The following GNPTAB variants were observed in gnomAD, a reference collection of about 807,000 sequenced individuals.
The protein encoded by GNPTAB is N-acetylglucosamine-1-phosphate transferase subunits alpha and beta.
In GNPTAB, 92 loss-of-function variants were observed where a neutral mutation model predicts 136.6. The ratio of observed to expected loss-of-function variants is 0.67; its 90% CI spans 0.57 to 0.80. The LOEUF (loss-of-function observed/expected upper bound fraction) is 0.80, where lower values mean the gene tolerates loss of function less well. Ranked by LOEUF, GNPTAB falls within the 30% of genes least tolerant of loss-of-function variation. The probability of loss-of-function intolerance (pLI) is 0.00; values close to 1 mark genes in which losing one functional copy is unlikely to be tolerated. For synonymous variants in GNPTAB, 512 were observed against 535.1 expected (o/e 0.96, Z 0.60); for missense variants, 1,343 against 1,501.8 (o/e 0.89, Z 1.75).
rs1462792618 is a variant in GNPTAB at position 101,746,926 on chromosome 12, G to A, written c.*238C>T. 1 of 472,976 alleles carries A rather than the reference G, an allele frequency of 2.1e-6. No homozygotes were observed. The highest frequency in any genetic ancestry group is 3.8e-6 in the Non-Finnish European group (1 of 260,388). 29.3% of individuals were successfully genotyped at this position (472,976 alleles called of 1,614,324 possible). On this transcript the variant is annotated 3_prime_UTR_variant, in exon 21 of 21. Coordinates refer to ENST00000299314, the MANE Select transcript of GNPTAB (RefSeq NM_024312.5). ...TTTATAAAAAGGATGACAGGTCCAT[G>A]AGCAAATTCTTTAAAAGTAAAATCA...
chr12:101,754,269 A>T (rs997652081), intron 18 of GNPTAB, among the ~76,000 whole-genome samples: 4 of 152,036 alleles, frequency 2.6e-5, no homozygotes, highest in Non-Finnish European at 5.9e-5. Context: ...TTTACTAAAA[A>T]TACAAAAAAA....
chr12:101,764,788 C>T lies in GNPTAB; in HGVS notation c.2129G>A (p.Ser710Asn). The change falls in exon 13 of 21, where the codon AGT becomes AAT. Residue 710 changes from serine (S) to asparagine (N), a missense_variant. Physicochemically the swap from Ser to Asn is conservative, Grantham distance 46 (BLOSUM62 1). Transcript: ENST00000299314. ...ISLLPKDAQL[S>N]LNTLDLQLEH... is the part of the protein sequence containing the mutation. ...CAGTTGCAAATCCAAGGTATTGAGA[C>T]TCAACTGGGCGTCTTTTGGAAGGAG... The T allele has an allele frequency of 1.2e-6, 2 of 1,614,198 alleles. No homozygotes were observed. Among genetic ancestry groups the T allele is most frequent in the Non-Finnish European group, 1.7e-6 (2 of 1,180,044 alleles).
At chr12:101,773,416 G>A in intron 7 of GNPTAB, 1 of 257,628 alleles carries the variant, frequency 3.9e-6, no homozygotes, top group Non-Finnish European at 7.8e-6. Context: ...CTTTGCGAAG[G>A]TCCAGGGTCG....
chr12:101,785,604 A>T (rs919224710), intron 5 of GNPTAB: 1 of 184,414 alleles, frequency 5.4e-6, no homozygotes, highest in Non-Finnish European at 1.1e-5. Context: ...TCAACATACA[A>T]ATTTTGGAGG....
chr12:101,762,641 C>T (rs1485849140), intron 13 of GNPTAB, among the ~76,000 whole-genome samples: 1 of 152,036 alleles, frequency 6.6e-6, no homozygotes, highest in Non-Finnish European at 1.5e-5. Context: ...ATGGCATTTG[C>T]CCACATCCTA....
chr12:101,796,843 AATTG>A, intron 1 of GNPTAB, 81 bp from the exon 2 acceptor site: 1 of 957,214 alleles, frequency 1.0e-6, no homozygotes, highest in Non-Finnish European at 1.7e-6. Flanking sequence ...ATTTCATTAG[AATTG>A]CTAGAGAAAT....
Position 101,747,090 on chromosome 12 carries a change from A to C in GNPTAB, c.*74T>G, listed in dbSNP as rs780676592. 7.5e-5 allele frequency: 66 copies of C among 884,394 alleles called. No individual in the cohort carries two copies. The highest frequency in any genetic ancestry group is 1.1e-4 in the Non-Finnish European group (58 of 518,124). 54.8% of individuals were successfully genotyped at this position (884,394 alleles called of 1,614,324 possible). Reference sequence around the variant, plus strand: ...CCAAACTGCTAAGCATCACATCACAAAGACATCTCTGTGAAGCTGAGTTTT... The same window carrying C: ...CCAAACTGCTAAGCATCACATCACACAGACATCTCTGTGAAGCTGAGTTTT... On this transcript the variant is annotated 3_prime_UTR_variant, in exon 21 of 21. Coordinates refer to ENST00000299314, the MANE Select transcript of GNPTAB (RefSeq NM_024312.5).
chr12:101,781,715 G>A (rs750063123), intron 5 of GNPTAB, among the ~76,000 whole-genome samples: 14 of 152,060 alleles, frequency 9.2e-5, no homozygotes, highest in Non-Finnish European at 1.9e-4. Context: ...TAGTTGGTGA[G>A]CACTGAGAAA....
chr12:101,757,168 C>T (rs759860576), intron 18 of GNPTAB, 44 bp downstream of exon 18: 2 of 1,036,574 alleles, frequency 1.9e-6, no homozygotes, highest in Non-Finnish European at 3.0e-6. Flanking sequence ...TCCTTTTATT[C>T]AGGTTTATTT....
chr12:101,757,517 A>G (rs1049705416), intron 17 of GNPTAB, 55 bp downstream of exon 17: 11 of 938,766 alleles, frequency 1.2e-5, no homozygotes, highest in African/African-American at 1.1e-4. Flanking sequence ...TAAAAAAGCC[A>G]GACCTTTGTG....
chr12:101,826,636 G>A (rs1182775301), intron 1 of GNPTAB, among the ~76,000 whole-genome samples: 1 of 151,726 alleles, frequency 6.6e-6, no homozygotes, highest in Non-Finnish European at 1.5e-5. Flanking sequence ...GCTAGGTATA[G>A]TCTGTATTTT....
chr12:101,825,388 A>G (rs552461030), intron 1 of GNPTAB, among the ~76,000 whole-genome samples: 1 of 152,352 alleles, frequency 6.6e-6, no homozygotes, highest in African/African-American at 2.4e-5. Context: ...ATCACATTTG[A>G]GAAATAAAAG....
At chr12:101,787,614 G>A (rs1868729653) in intron 4 of GNPTAB, among the ~76,000 whole-genome samples, 1 of 152,030 alleles carries the variant, frequency 6.6e-6, no homozygotes, top group Non-Finnish European at 1.5e-5. Context: ...ATAAAAGATA[G>A]CTTAGAAGGC....
chr12:101,768,291 C>T (rs1446849469), intron 10 of GNPTAB, 131 bp from the exon 11 acceptor site: 1 of 973,578 alleles, frequency 1.0e-6, no homozygotes, highest in African/African-American at 1.6e-5. Context: ...GCTCAGCGTT[C>T]ACACTCACAA....
intron 1 of GNPTAB, among the ~76,000 whole-genome samples, chr12:101,825,851 A>G (rs559860746): frequency 6.6e-6 from 1 of 152,352 alleles, no homozygotes; most frequent in Non-Finnish European, 1.5e-5. Flanking sequence ...CGAAATAGAT[A>G]AGAGGGGCTA....
intron 1 of GNPTAB, among the ~76,000 whole-genome samples, chr12:101,810,899 C>G (rs1274984528): frequency 6.6e-6 from 1 of 152,152 alleles, no homozygotes; most frequent in Non-Finnish European, 1.5e-5. Context: ...CTCTCCTGCT[C>G]ATGGAACAGC....
intron 10 of GNPTAB, 138 bp from the exon 11 acceptor site, chr12:101,768,298 A>C: frequency 1.1e-6 from 1 of 910,938 alleles, no homozygotes; most frequent in Non-Finnish European, 1.7e-6. Flanking sequence ...GTTCACACTC[A>C]CAAGTGCTTT....
chr12:101,770,472 G>A lies in GNPTAB; in HGVS notation c.1047C>T (p.Val349=), dbSNP rs2137124044. Residue 349 remains valine (V), a synonymous_variant, in exon 9 of 21, where the codon GTC becomes GTT. Coordinates refer to ENST00000299314, the MANE Select transcript of GNPTAB (RefSeq NM_024312.5). Reference sequence around the variant, plus strand: ...GCCAGGATGGAATCTGCCCGTTGGTGACAATGAAAATATTCCGAACCCATG... The same window carrying A: ...GCCAGGATGGAATCTGCCCGTTGGTAACAATGAAAATATTCCGAACCCATG... ...HAPWVRNIFI[V]TNGQIPSWLN... is the part of the protein sequence containing the mutation. 2 of 1,613,730 alleles carry A rather than the reference G, an allele frequency of 1.2e-6. No homozygotes were observed. Among genetic ancestry groups the A allele is most frequent in the Non-Finnish European group, 1.7e-6 (2 of 1,179,614 alleles).
intron 1 of GNPTAB, among the ~76,000 whole-genome samples, chr12:101,799,588 C>T (rs1443477212): frequency 6.6e-6 from 1 of 152,188 alleles, no homozygotes; most frequent in Admixed American, 6.5e-5. Flanking sequence ...ATGCTGCTAA[C>T]CCCCAAGGCT....
Sources: gnomAD v4.1 joint callset for allele counts (sites outside exome capture counted in the v4.1 genomes callset) on GRCh38, gnomAD v4.1.1 for gene constraint, MANE v1.5 for transcripts, NCBI Gene and HGNC (gene_info 2026-07-23, HGNC 2026-07-21) for gene names.